EPHA5: variants seen among roughly 807,000 people sequenced by gnomAD.
EPHA5 encodes the protein ephrin type-A receptor 5.
Under a neutral mutation model 105.0 loss-of-function variants are expected in EPHA5, and 60 were observed. The observed-to-expected ratio is 0.57, with a 90% CI of 0.46 to 0.71. EPHA5 has a LOEUF of 0.71. Among genes scored for constraint, EPHA5 ranks in the 30% least tolerant of loss-of-function variants. The pLI, the probability that EPHA5 is intolerant of heterozygous loss-of-function variation, is 0.00. For synonymous variants in EPHA5, 513 were observed against 449.1 expected (o/e 1.14, Z -1.80); for missense variants, 1,218 against 1,274.7 (o/e 0.96, Z 0.68).
chr4:65,548,715 G>A (rs935080192), intron 3 of EPHA5, among the ~76,000 whole-genome samples: 2 of 152,032 alleles, frequency 1.3e-5, no homozygotes, highest in Non-Finnish European at 1.5e-5. Context: ...ACTTAGCCTT[G>A]GATGACAGAC....
rs200371587 is a variant in EPHA5, at chr4:65,643,321, C to T, written c.246+42G>A. The stretch of plus-strand genomic sequence containing the variant: ...TGTGTTACAAGTATCAAGATGCTTA[C>T]GCACATAGCTTAAGTTTTAGAAAAA... On this transcript the variant is annotated intron_variant, in intron 2 of 16. Transcript: ENST00000613740. 104 of 1,443,970 alleles carry T rather than the reference C, an allele frequency of 7.2e-5. 1 individual carries two copies. Among genetic ancestry groups the T allele is most frequent in the Admixed American group, 3.2e-4 (19 of 59,586 alleles). 89.4% of individuals were successfully genotyped at this position (1,443,970 alleles called of 1,614,324 possible).
At chr4:65,512,788 G>A (rs772805980) in intron 3 of EPHA5, among the ~76,000 whole-genome samples, 4 of 151,998 alleles carry the variant, frequency 2.6e-5, no homozygotes, top group Non-Finnish European at 5.9e-5. Flanking sequence ...TACAAAGGCC[G>A]TTGTGTTTCA....
intron 3 of EPHA5, among the ~76,000 whole-genome samples, chr4:65,500,511 C>A (rs1192672167): frequency 6.7e-6 from 1 of 150,122 alleles, no homozygotes. Context: ...GCTGTATAAT[C>A]TTATGAGAAA....
At chr4:65,543,100 C>A (rs1424018350) in intron 3 of EPHA5, among the ~76,000 whole-genome samples, 1 of 151,932 alleles carries the variant, frequency 6.6e-6, no homozygotes, top group Non-Finnish European at 1.5e-5. Context: ...TTATTGCAAA[C>A]CTACAGCCAA....
At chr4:65,595,580 G>T (rs1027779415) in intron 3 of EPHA5, among the ~76,000 whole-genome samples, 2 of 102,224 alleles carry the variant, frequency 2.0e-5, no homozygotes, top group African/African-American at 3.0e-5. Flanking sequence ...TATCTCACAA[G>T]ATTTTTTTTT....
chr4:65,466,848 A>T (rs1292010836), intron 5 of EPHA5, among the ~76,000 whole-genome samples: 1 of 152,156 alleles, frequency 6.6e-6, no homozygotes, highest in Non-Finnish European at 1.5e-5. Context: ...ATAGGCCGAA[A>T]GTCCTGTTAT....
rs181589728 is a variant in EPHA5, at chr4:65,549,779, A to G, written c.910+51862T>C. 3.1e-4 allele frequency among the ~76,000 whole-genome samples: 47 copies of G among 152,248 alleles called. 1 individual carries two copies. Among genetic ancestry groups the G allele is most frequent in the African/African-American group, 1.1e-3 (46 of 41,578 alleles). On this transcript the variant is annotated intron_variant, in intron 3 of 16. Coordinates refer to ENST00000613740, the MANE Select transcript of EPHA5 (RefSeq NM_001281766.3). ...TTAAAATTCATCTTCACATAGAAAA[A>G]TTTCTGTTAAAGTTTAAAGAAACTT...
At chr4:65,480,640 C>A (rs1452429441) in intron 5 of EPHA5, among the ~76,000 whole-genome samples, 1 of 152,068 alleles carries the variant, frequency 6.6e-6, no homozygotes, top group African/African-American at 2.4e-5. Context: ...ATAGCAATTG[C>A]AATAAAATCA....
rs1719813288 is a variant in EPHA5, at chr4:65,323,663, T to C, written c.*451A>G. 1 of 230,374 alleles carries C rather than the reference T, an allele frequency of 4.3e-6. No individual in the cohort carries two copies. Among genetic ancestry groups the C allele is most frequent in the Non-Finnish European group, 8.6e-6 (1 of 116,434 alleles). 14.3% of individuals were successfully genotyped at this position (230,374 alleles called of 1,614,324 possible). A position where few individuals can be genotyped will look rare whatever the true frequency, so the allele number is the denominator to read the frequency against. ...CATATTGCTCTTCAATACACTTTTG[T>C]AGACAATTAAGACTTGAAGTAAACT... On this transcript the variant is annotated 3_prime_UTR_variant, in exon 17 of 17. Coordinates refer to ENST00000613740, the MANE Select transcript of EPHA5 (RefSeq NM_001281766.3).
intron 7 of EPHA5, among the ~76,000 whole-genome samples, chr4:65,404,904 C>T (rs2148992614): frequency 6.6e-6 from 1 of 152,088 alleles, no homozygotes; most frequent in East Asian, 1.9e-4. Flanking sequence ...CTGATGAACC[C>T]AGATGGGATT....
At chr4:65,650,896 C>A (rs895546431) in intron 1 of EPHA5, among the ~76,000 whole-genome samples, 17 of 152,248 alleles carry the variant, frequency 1.1e-4, no homozygotes, top group African/African-American at 3.9e-4. Flanking sequence ...TTGTAATATT[C>A]TTATTATTTT....
chr4:65,369,128 T>C (rs1253578565), intron 8 of EPHA5, among the ~76,000 whole-genome samples: 3 of 152,136 alleles, frequency 2.0e-5, no homozygotes, highest in Non-Finnish European at 2.9e-5. Context: ...TGCAGTGACC[T>C]GGCACCTGAC....
rs1048104131 is a variant in EPHA5, at chr4:65,434,080, G to A, written c.1403-13515C>T. 3.2e-4 allele frequency among the ~76,000 whole-genome samples: 49 copies of A among 151,782 alleles called. 1 individual carries two copies. Among genetic ancestry groups the A allele is most frequent in the Admixed American group, 2.9e-3 (44 of 15,214 alleles). ...AAAAAAATAAAAAAATTAAAAAATA[G>A]CACTTTAACTCTAGCCTCTGGTTCA... On this transcript the variant is annotated intron_variant, in intron 5 of 16. Coordinates refer to ENST00000613740, the MANE Select transcript of EPHA5 (RefSeq NM_001281766.3).
intron 15 of EPHA5, among the ~76,000 whole-genome samples, chr4:65,335,620 C>T (rs1259186077): frequency 3.3e-5 from 5 of 151,264 alleles, no homozygotes; most frequent in African/African-American, 9.7e-5. Context: ...CTCCTCCTCA[C>T]CTATCCTCCA....
intron 2 of EPHA5, among the ~76,000 whole-genome samples, chr4:65,622,857 T>A (rs1745825998): frequency 6.6e-6 from 1 of 152,088 alleles, no homozygotes; most frequent in Non-Finnish European, 1.5e-5. Flanking sequence ...GTGTGTGTAA[T>A]ATTTAAACCT....
At chr4:65,344,131 A>G (rs1721996149) in intron 14 of EPHA5, among the ~76,000 whole-genome samples, 1 of 152,200 alleles carries the variant, frequency 6.6e-6, no homozygotes. Context: ...CCATCCACAA[A>G]GAGTAGTGTC....
intron 3 of EPHA5, among the ~76,000 whole-genome samples, chr4:65,499,121 A>G (rs974960196): frequency 6.6e-6 from 1 of 151,690 alleles, no homozygotes; most frequent in Non-Finnish European, 1.5e-5. Context: ...ATCAGCTGAT[A>G]CAGTCATTTG....
chr4:65,607,248 C>T (rs192414133), intron 2 of EPHA5, among the ~76,000 whole-genome samples: 14 of 151,888 alleles, frequency 9.2e-5, no homozygotes, highest in Non-Finnish European at 1.8e-4. Context: ...CTAGGCAATA[C>T]CATTCAGGAC....
intron 3 of EPHA5, chr4:65,573,444 T>G (rs1428385630): frequency 1.0e-5 from 12 of 1,162,952 alleles, no homozygotes; most frequent in South Asian, 6.2e-5. Context: ...AAGAAGCTCT[T>G]TCCCATCTTG....
Sources: allele counts gnomAD v4.1 joint callset (sites outside exome capture counted in the v4.1 genomes callset), GRCh38; gene constraint gnomAD v4.1.1; transcripts MANE v1.5; gene names NCBI Gene and HGNC (gene_info 2026-07-23, HGNC 2026-07-21).